Variants in HPN observed in about 807,000 individuals in gnomAD.
HPN encodes the protein hepsin.
A neutral mutation model predicts 55.9 loss-of-function variants in HPN; 13 were observed. The observed-to-expected ratio is 0.23, with a 90% CI of 0.15 to 0.37. HPN has a LOEUF of 0.37. Among genes scored for constraint, HPN ranks in the 10% least tolerant of loss-of-function variants. The pLI, the probability that HPN is intolerant of heterozygous loss-of-function variation, is 1.00. For synonymous variants in HPN, 225 were observed against 240.3 expected (o/e 0.94, Z 0.59); for missense variants, 451 against 575.8 (o/e 0.78, Z 2.22).
intron 11 of HPN, 60 bp from the exon 12 acceptor site, chr19:35,065,808 G>C: frequency 3.3e-6 from 5 of 1,513,520 alleles, no homozygotes; most frequent in Admixed American, 2.1e-5. Context: ...ATGTCATCCC[G>C]GGGTGGGCCT....
intron 2 of HPN, among the ~76,000 whole-genome samples, chr19:35,044,574 A>G (rs1210101773): frequency 1.3e-5 from 2 of 152,106 alleles, no homozygotes; most frequent in African/African-American, 4.8e-5. Context: ...TCTCTTGTCT[A>G]ACTTGTATTT....
upstream of HPN, among the ~76,000 whole-genome samples, chr19:35,041,474 C>A (rs1308429331): frequency 1.3e-5 from 2 of 152,100 alleles, no homozygotes; most frequent in Non-Finnish European, 2.9e-5. Flanking sequence ...CAGACCCCCA[C>A]CCTTCAGCCT....
chr19:35,058,457 AAGAT>A (rs2064481449), intron 4 of HPN, among the ~76,000 whole-genome samples: 1 of 148,638 alleles, frequency 6.7e-6, no homozygotes, highest in Admixed American at 6.8e-5. Flanking sequence ...CATATTTTAA[AAGAT>A]AGAAATCACT....
At position 35,059,811 on chromosome 19, in the gene HPN, G is replaced by A. The variant is rs1323850832; in HGVS notation, c.290+9G>A. On this transcript the variant is annotated intron_variant, in intron 5 of 12. Coordinates refer to ENST00000672452, the MANE Select transcript of HPN (RefSeq NM_001384133.1). ...GAGATGGGCTTCCTCAGGTACTGGG[G>A]GCCCTCGGAGGGGTGGGAGCCGGGA... 1 of 1,553,532 alleles carries A rather than the reference G, an allele frequency of 6.4e-7. No homozygotes were observed. Among genetic ancestry groups the A allele is most frequent in the African/African-American group, 1.3e-5 (1 of 74,106 alleles).
intron 9 of HPN, among the ~76,000 whole-genome samples, chr19:35,061,261 G>T (rs2064528924): frequency 6.6e-6 from 1 of 152,206 alleles, no homozygotes; most frequent in Non-Finnish European, 1.5e-5. Flanking sequence ...ACTTTGGGAG[G>T]CCGAGGTGGG....
At chr19:35,055,440 C>T (rs193122362) in intron 4 of HPN, among the ~76,000 whole-genome samples, 1 of 151,638 alleles carries the variant, frequency 6.6e-6, no homozygotes, top group East Asian at 1.9e-4. Flanking sequence ...AAGGAAAGGA[C>T]AAAGAGGTTC....
At chr19:35,045,408 G>A (rs540042545) in intron 2 of HPN, among the ~76,000 whole-genome samples, 12 of 152,276 alleles carry the variant, frequency 7.9e-5, no homozygotes, top group South Asian at 6.2e-4. Flanking sequence ...GATGAGGCCC[G>A]AGACACGGAG....
rs183651893 is a variant in HPN, at chr19:35,051,903, A to G, written c.160+2387A>G. Among the ~76,000 whole-genome samples, 413 of 152,250 alleles carry G rather than the reference A, an allele frequency of 2.7e-3. 1 individual carries two copies. The highest frequency in any genetic ancestry group is 4.2e-3 in the Non-Finnish European group (287 of 68,010). ...GCGAAGGGATCACGCCCCTGTCAAA[A>G]GCCCCTCCGTGACAACACGTGGCAT... On this transcript the variant is annotated intron_variant, in intron 4 of 12. Coordinates refer to ENST00000672452, the MANE Select transcript of HPN (RefSeq NM_001384133.1).
At chr19:35,051,175 C>A (rs1331084246) in intron 4 of HPN, among the ~76,000 whole-genome samples, 3 of 152,180 alleles carry the variant, frequency 2.0e-5, no homozygotes, top group African/African-American at 7.2e-5. Flanking sequence ...GTGGCGCGAT[C>A]TTGGCTCACT....
rs1225818390 is a variant in HPN, at chr19:35,049,526, G to A, written c.160+10G>A. The A allele has an allele frequency of 6.3e-7, 1 of 1,594,850 alleles. No homozygotes were observed. Among genetic ancestry groups the A allele is most frequent in the South Asian group, 1.1e-5 (1 of 89,092 alleles). ...GAGCCGCTGTACCCAGGTGAGTGGA[G>A]CAGGCTGGGACCCTCTGGGGGAGCC... On this transcript the variant is annotated intron_variant, in intron 4 of 12. Transcript: ENST00000672452.
intron 4 of HPN, among the ~76,000 whole-genome samples, chr19:35,050,914 C>CTTTTTTTTTT (rs5827917): frequency 3.0e-4 from 27 of 90,444 alleles, no homozygotes; most frequent in Admixed American, 4.7e-4. Context: ...TTCTTTCTTT[C>CTTTTTTTTTT]TTTTTTTTTT....
At chr19:35,054,152 T>G (rs1029467393) in intron 4 of HPN, among the ~76,000 whole-genome samples, 2 of 152,186 alleles carry the variant, frequency 1.3e-5, no homozygotes, top group Non-Finnish European at 2.9e-5. Flanking sequence ...GCACAGTGGC[T>G]CACGCCTGTA....
intron 2 of HPN, among the ~76,000 whole-genome samples, chr19:35,048,782 G>T (rs1364250019): frequency 6.6e-6 from 1 of 152,112 alleles, no homozygotes; most frequent in Non-Finnish European, 1.5e-5. Flanking sequence ...AAGTGGAGGG[G>T]CAAATTTGAT....
In HPN at chr19:35,049,318, A is replaced by G. The variant is rs759965464; in HGVS notation, c.45A>G (p.Arg15=). Residue 15 remains arginine (R), a synonymous_variant, in exon 3 of 13, where the codon AGA becomes AGG. Coordinates refer to ENST00000672452, the MANE Select transcript of HPN (RefSeq NM_001384133.1). ...EGGRTVPCCS[R]PKVAALTAGT... is the part of the protein sequence containing the mutation. Reference sequence around the variant, plus strand: ...GCCGGACTGTGCCATGCTGCTCCAGACCCAAGGTGGCAGCTCTCACTGCGG... The same window carrying G: ...GCCGGACTGTGCCATGCTGCTCCAGGCCCAAGGTGGCAGCTCTCACTGCGG... 1.3e-6 allele frequency: 2 copies of G among 1,588,846 alleles called. No individual in the cohort carries two copies. The highest frequency in any genetic ancestry group is 1.7e-6 in the Non-Finnish European group (2 of 1,165,674).
In HPN at chr19:35,065,578, T is replaced by C. The variant is rs1568364545; in HGVS notation, c.947T>C (p.Ile316Thr). 1 of 1,614,148 alleles carries C rather than the reference T, an allele frequency of 6.2e-7. No homozygotes were observed. The highest frequency in any genetic ancestry group is 8.5e-7 in the Non-Finnish European group (1 of 1,180,020). The stretch of plus-strand genomic sequence containing the variant: ...GTACTCCAGGAGGCTCGAGTCCCCA[T>C]AATCAGCAATGATGTCTGCAATGGC... ...AGVLQEARVPIISNDVCNGAD... is the reference protein window; with the variant it reads ...AGVLQEARVPTISNDVCNGAD... The change falls in exon 11 of 13, where the codon ATA (isoleucine) becomes ACA (threonine). Residue 316 changes from isoleucine (I) to threonine (T), a missense_variant. Around this residue, in one of 2 missense-constraint regions of HPN, gnomAD observed 378 missense variants for 445.5 expected, o/e 0.85. Coordinates refer to ENST00000672452, the MANE Select transcript of HPN (RefSeq NM_001384133.1).
upstream of HPN, among the ~76,000 whole-genome samples, chr19:35,040,906 G>A (rs1600373046): frequency 6.6e-6 from 1 of 152,196 alleles, no homozygotes; most frequent in South Asian, 2.1e-4. Context: ...GGGTGGGGCC[G>A]GTTGTGCGGG....
intron 4 of HPN, among the ~76,000 whole-genome samples, chr19:35,052,460 G>A (rs143763564): frequency 2.4e-4 from 36 of 150,628 alleles, no homozygotes; most frequent in Non-Finnish European, 4.6e-4. Flanking sequence ...CCTGGGAGGC[G>A]CGGGTTGCAG....
At chr19:35,046,593 G>A (rs1032457609) in intron 2 of HPN, among the ~76,000 whole-genome samples, 5 of 152,094 alleles carry the variant, frequency 3.3e-5, no homozygotes, top group Non-Finnish European at 7.4e-5. Flanking sequence ...CACCAGGAAG[G>A]TCCTAGACCA....
At chr19:35,062,015 G>A (rs2064539505) in intron 9 of HPN, among the ~76,000 whole-genome samples, 1 of 151,152 alleles carries the variant, frequency 6.6e-6, no homozygotes, top group African/African-American at 2.4e-5. Context: ...CTAGGATTGT[G>A]CCACTGTACT....
Sources: allele counts gnomAD v4.1 joint callset (sites outside exome capture counted in the v4.1 genomes callset), GRCh38; gene constraint gnomAD v4.1.1; regional missense constraint gnomAD v4.1.1; transcripts MANE v1.5; gene names NCBI Gene and HGNC (gene_info 2026-07-23, HGNC 2026-07-21).